Variants in TMC1 observed in about 807,000 individuals in gnomAD.
TMC1 encodes transmembrane channel like 1.
A neutral mutation model predicts 105.8 loss-of-function variants in TMC1; 84 were observed. The ratio of observed to expected loss-of-function variants is 0.79; its 90% confidence interval spans 0.67 to 0.95. The LOEUF is 0.95. TMC1 is among the 40% of genes least tolerant of loss of function. TMC1 has a pLI of 0.00. For synonymous variants in TMC1, 315 were observed against 311.5 expected (o/e 1.01, Z -0.12); for missense variants, 817 against 914.1 (o/e 0.89, Z 1.37).
At chr9:72,742,246 T>G (rs543670424) in intron 9 of TMC1, among the ~76,000 whole-genome samples, 198 bp from the exon 10 acceptor site, 16 of 152,132 alleles carry the variant, frequency 1.1e-4, no homozygotes, top group Non-Finnish European at 1.8e-4. Flanking sequence ...ATTTTTTTGT[T>G]GAATTAAATT....
chr9:72,799,347 G>A (rs1321861766), intron 17 of TMC1, among the ~76,000 whole-genome samples: 1 of 151,976 alleles, frequency 6.6e-6, no homozygotes, highest in African/African-American at 2.4e-5. Flanking sequence ...CATAAAAATT[G>A]AAGGACTAGC....
At chr9:72,617,442 A>G (rs1047338557) in intron 3 of TMC1, among the ~76,000 whole-genome samples, 4 of 152,168 alleles carry the variant, frequency 2.6e-5, no homozygotes, top group Admixed American at 2.6e-4. Context: ...GATTACAGGC[A>G]TGAGCCATTG....
At chr9:72,814,333 GA>G (rs1216284722) in intron 18 of TMC1, among the ~76,000 whole-genome samples, 2 of 152,096 alleles carry the variant, frequency 1.3e-5, no homozygotes, top group Admixed American at 6.6e-5. Flanking sequence ...CCCCCAGAAG[GA>G]AAAAGACTCA....
intron 20 of TMC1, among the ~76,000 whole-genome samples, chr9:72,824,967 G>T (rs193270854): frequency 4.6e-5 from 7 of 152,254 alleles, no homozygotes; most frequent in Admixed American, 4.6e-4. Context: ...CTAGGTGCAG[G>T]TTTTTTAGTA....
intron 2 of TMC1, among the ~76,000 whole-genome samples, chr9:72,606,978 T>A (rs7870656): frequency 5.9e-4 from 81 of 138,124 alleles, no homozygotes; most frequent in African/African-American, 2.2e-3. Context: ...TATGTGTGTG[T>A]GTGCATATAT....
At chr9:72,530,581 T>C (rs1447960906) in intron 1 of TMC1, among the ~76,000 whole-genome samples, 1 of 118,684 alleles carries the variant, frequency 8.4e-6, no homozygotes, top group Non-Finnish European at 1.7e-5. Context: ...AGAGCAAGAC[T>C]CCATCTTAAA....
intron 5 of TMC1, among the ~76,000 whole-genome samples, chr9:72,669,122 A>G (rs1293053274): frequency 6.6e-6 from 1 of 152,148 alleles, no homozygotes; most frequent in African/African-American, 2.4e-5. Flanking sequence ...CCTGGCCAAT[A>G]TGGTGAAACC....
chr9:72,622,643 A>G (rs1338609241), intron 3 of TMC1, among the ~76,000 whole-genome samples: 1 of 152,168 alleles, frequency 6.6e-6, no homozygotes, highest in Non-Finnish European at 1.5e-5. Context: ...ACAAAAGTTA[A>G]AGGCTCAACA....
intron 18 of TMC1, among the ~76,000 whole-genome samples, chr9:72,810,740 G>A (rs184457874): frequency 3.9e-5 from 6 of 152,098 alleles, no homozygotes; most frequent in African/African-American, 7.2e-5. Context: ...ATAATATTCT[G>A]TATGCAAATG....
intron 2 of TMC1, among the ~76,000 whole-genome samples, chr9:72,590,797 A>C (rs1380050515): frequency 1.3e-5 from 2 of 152,184 alleles, no homozygotes; most frequent in Non-Finnish European, 2.9e-5. Flanking sequence ...TATTGTTGCA[A>C]ACAGGACATT....
intron 2 of TMC1, chr9:72,607,670 G>A (rs1587985846): frequency 6.6e-6 from 1 of 151,508 alleles, no homozygotes; most frequent in South Asian, 2.1e-4. Context: ...TTTTAGGCTG[G>A]GCATGGTGGC....
At chr9:72,661,261 C>T (rs961017143) in intron 5 of TMC1, among the ~76,000 whole-genome samples, 3 of 152,220 alleles carry the variant, frequency 2.0e-5, no homozygotes, top group African/African-American at 7.2e-5. Context: ...GAGTCTCACT[C>T]CATGATGTTT....
At chr9:72,778,312 G>A (rs1372625448) in intron 13 of TMC1, among the ~76,000 whole-genome samples, 4 of 152,200 alleles carry the variant, frequency 2.6e-5, no homozygotes, top group Non-Finnish European at 5.9e-5. Flanking sequence ...ATTGAGAGTG[G>A]ATGGAGGAAG....
chr9:72,659,986 T>A (rs1332371418), intron 5 of TMC1, among the ~76,000 whole-genome samples: 1 of 152,118 alleles, frequency 6.6e-6, no homozygotes, highest in African/African-American at 2.4e-5. Flanking sequence ...TATGACATCA[T>A]TTTCTACCCC....
chr9:72,611,677 A>T (rs1825027263), intron 2 of TMC1, among the ~76,000 whole-genome samples: 1 of 152,178 alleles, frequency 6.6e-6, no homozygotes, highest in Non-Finnish European at 1.5e-5. Context: ...CTTGTTAGAA[A>T]AGACAGCATT....
intron 23 of TMC1, among the ~76,000 whole-genome samples, chr9:72,832,055 A>G (rs1282792427): frequency 3.3e-5 from 5 of 151,858 alleles, no homozygotes; most frequent in African/African-American, 1.2e-4. Context: ...TCCCAGGCTG[A>G]AGTGATCCTT....
intron 1 of TMC1, among the ~76,000 whole-genome samples, chr9:72,576,623 T>TG (rs1180355405): frequency 7.1e-6 from 1 of 140,584 alleles, no homozygotes; most frequent in African/African-American, 2.8e-5. Flanking sequence ...AATTTCTTTT[T>TG]TTTTTTTTTC....
chr9:72,801,837 G>GTATATGAATAAACA (rs1564564443), intron 17 of TMC1, among the ~76,000 whole-genome samples: 2 of 152,042 alleles, frequency 1.3e-5, no homozygotes, highest in Non-Finnish European at 2.9e-5. Context: ...TTTTCCTATG[G>GTATATGAATAAACA]TATATGAATA....
At chr9:72,657,417 T>A (rs1453555963) in intron 5 of TMC1, among the ~76,000 whole-genome samples, 2 of 152,250 alleles carry the variant, frequency 1.3e-5, no homozygotes, top group Non-Finnish European at 2.9e-5. Context: ...CATTCCTAGT[T>A]ACTGCATTGT....
Sources: gnomAD v4.1 joint callset for allele counts (sites outside exome capture counted in the v4.1 genomes callset) on GRCh38, gnomAD v4.1.1 for gene constraint, MANE v1.5 for transcripts, NCBI Gene and HGNC (gene_info 2026-07-23, HGNC 2026-07-21) for gene names.